ZNF804B: variants seen among roughly 807,000 people sequenced by gnomAD.
The protein encoded by ZNF804B is zinc finger protein 804B.
ZNF804B carries 80 observed loss-of-function variants against 101.4 expected under a neutral mutation model. The observed-to-expected ratio is 0.79, with a 90% CI of 0.66 to 0.95. The LOEUF (loss-of-function observed/expected upper bound fraction) is 0.95, where lower values mean the gene tolerates loss of function less well. Ranked by LOEUF, ZNF804B falls within the 40% of genes least tolerant of loss-of-function variation. The pLI is 0.00. For synonymous variants in ZNF804B, 622 were observed against 558.8 expected (o/e 1.11, Z -1.59); for missense variants, 1,673 against 1,561.9 (o/e 1.07, Z -1.20).
Position 88,936,518 on chromosome 7 carries a change from G to A in ZNF804B, c.108+176434G>A, listed in dbSNP as rs554714628. On this transcript the variant is annotated intron_variant, in intron 1 of 3. Transcript: ENST00000333190. ...GGAAATGGGGGATGTAGGCAATTGA[G>A]AGGGGTAGTAAATGACCTTTAGGAG... 2.0e-5 allele frequency among the ~76,000 whole-genome samples: 3 copies of A among 152,200 alleles called. No individual in the cohort carries two copies. In the South Asian group the frequency reaches 6.2e-4, roughly 32 times the overall value.
chr7:88,836,794 A>G (rs115399354), intron 1 of ZNF804B, among the ~76,000 whole-genome samples: 1,524 of 151,584 alleles, frequency 0.01, 20 homozygotes, highest in Middle Eastern at 0.024. Context: ...AAGTCTCCTC[A>G]CCTTTGGAAG....
At chr7:89,291,808 C>A (rs530706542) in intron 2 of ZNF804B, among the ~76,000 whole-genome samples, 10 of 151,846 alleles carry the variant, frequency 6.6e-5, no homozygotes, top group Non-Finnish European at 1.3e-4. Context: ...AGGTTTTACC[C>A]AAAGAAGACT....
At chr7:88,785,459 G>A (rs887042781) in intron 1 of ZNF804B, among the ~76,000 whole-genome samples, 3 of 152,112 alleles carry the variant, frequency 2.0e-5, no homozygotes, top group African/African-American at 4.8e-5. Flanking sequence ...ATACAGTCTC[G>A]TTACCTAGTT....
chr7:88,837,361 T>C (rs986712818), intron 1 of ZNF804B, among the ~76,000 whole-genome samples: 1 of 151,978 alleles, frequency 6.6e-6, no homozygotes, highest in African/African-American at 2.4e-5. Context: ...TGACATCCAC[T>C]GTGAGTTGAG....
chr7:89,078,891 A>G (rs373739215), intron 1 of ZNF804B, among the ~76,000 whole-genome samples: 2 of 151,988 alleles, frequency 1.3e-5, no homozygotes, highest in African/African-American at 4.8e-5. Context: ...ATAAAGGCCT[A>G]CTTTATTCAT....
At chr7:89,328,996 A>T (rs1790936564) in intron 3 of ZNF804B, among the ~76,000 whole-genome samples, 1 of 151,708 alleles carries the variant, frequency 6.6e-6, no homozygotes, top group South Asian at 2.1e-4. Context: ...GATGCTGATG[A>T]TGATAATGAT....
intron 1 of ZNF804B, among the ~76,000 whole-genome samples, chr7:88,906,911 G>C (rs764054106): frequency 6.6e-6 from 1 of 151,970 alleles, no homozygotes; most frequent in African/African-American, 2.4e-5. Context: ...AAATCTGAGT[G>C]CTCTGATGTT....
intron 1 of ZNF804B, among the ~76,000 whole-genome samples, chr7:88,768,653 A>G (rs927677952): frequency 6.6e-6 from 1 of 152,200 alleles, no homozygotes. Context: ...GGGAGGCAGA[A>G]GTTGCCATGA....
chr7:89,264,293 T>C (rs1789751884), intron 2 of ZNF804B, among the ~76,000 whole-genome samples: 1 of 152,228 alleles, frequency 6.6e-6, no homozygotes, highest in Admixed American at 6.5e-5. Flanking sequence ...CTTCAACTTC[T>C]GCTCTGGATT....
At chr7:89,104,157 T>TAAC (rs1790100067) in intron 1 of ZNF804B, among the ~76,000 whole-genome samples, 1 of 152,112 alleles carries the variant, frequency 6.6e-6, no homozygotes, top group Non-Finnish European at 1.5e-5. Flanking sequence ...GATTTTTGCA[T>TAAC]CTATGTTCAT....
At chr7:89,066,709 G>A (rs1789460255) in intron 1 of ZNF804B, among the ~76,000 whole-genome samples, 1 of 151,956 alleles carries the variant, frequency 6.6e-6, no homozygotes, top group South Asian at 2.1e-4. Context: ...TTTAAGCTAT[G>A]CCAGGCAGTT....
chr7:89,243,921 T>C (rs866120369), intron 2 of ZNF804B, among the ~76,000 whole-genome samples: 4 of 151,962 alleles, frequency 2.6e-5, no homozygotes, highest in South Asian at 2.1e-4. Flanking sequence ...AGCTTTTATA[T>C]TTCCAAATAC....
At chr7:88,811,999 A>G (rs1435220887) in intron 1 of ZNF804B, among the ~76,000 whole-genome samples, 2 of 152,190 alleles carry the variant, frequency 1.3e-5, no homozygotes, top group Non-Finnish European at 2.9e-5. Flanking sequence ...TTTGATGATC[A>G]TATACCATGT....
chr7:89,024,014 A>T (rs1219210130), intron 1 of ZNF804B, among the ~76,000 whole-genome samples: 1 of 152,200 alleles, frequency 6.6e-6, no homozygotes, highest in African/African-American at 2.4e-5. Context: ...TGACCATCAC[A>T]TATGTTCTCC....
chr7:89,308,643 A>G (rs1790602857), intron 2 of ZNF804B, among the ~76,000 whole-genome samples: 1 of 152,202 alleles, frequency 6.6e-6, no homozygotes, highest in South Asian at 2.1e-4. Context: ...CCCATAAGGT[A>G]TACAAATGTG....
chr7:89,021,095 T>C (rs1243500122), intron 1 of ZNF804B, among the ~76,000 whole-genome samples: 1 of 152,152 alleles, frequency 6.6e-6, no homozygotes, highest in Non-Finnish European at 1.5e-5. Context: ...TTTTCCAGTT[T>C]TATGGAGTTG....
intron 2 of ZNF804B, among the ~76,000 whole-genome samples, chr7:89,296,769 C>T (rs555773539): frequency 6.6e-6 from 1 of 152,174 alleles, no homozygotes. Flanking sequence ...GCCACCTTTC[C>T]TCTCCCTAAA....
chr7:89,251,382 A>G (rs1283359672), intron 2 of ZNF804B, among the ~76,000 whole-genome samples: 3 of 152,186 alleles, frequency 2.0e-5, no homozygotes, highest in Non-Finnish European at 4.4e-5. Context: ...ACAACTAGGA[A>G]TACATCTAAC....
At chr7:89,014,146 CT>C (rs915169660) in intron 1 of ZNF804B, among the ~76,000 whole-genome samples, 5 of 152,090 alleles carry the variant, frequency 3.3e-5, no homozygotes, top group African/African-American at 1.2e-4. Context: ...TTTATAGTGG[CT>C]ATAATAGTTT....
Sources: gnomAD v4.1 joint callset for allele counts (sites outside exome capture counted in the v4.1 genomes callset) on GRCh38, gnomAD v4.1.1 for gene constraint, MANE v1.5 for transcripts, NCBI Gene and HGNC (gene_info 2026-07-23, HGNC 2026-07-21) for gene names.